The following ABCA12 variants were observed in gnomAD, a reference collection of about 807,000 sequenced individuals.
The protein encoded by ABCA12 is ATP binding cassette subfamily A member 12.
In ABCA12, 156 loss-of-function variants were observed where a neutral mutation model predicts 293.5. The observed-to-expected ratio is 0.53, with a 90% confidence interval of 0.47 to 0.61. The LOEUF is 0.61. Among genes scored for constraint, ABCA12 ranks in the 20% least tolerant of loss-of-function variants. ABCA12 has a pLI of 0.00. For missense variants in ABCA12, 2,797 were observed against 3,090.2 expected, an observed-to-expected ratio of 0.91 and a Z score of 2.25; for synonymous variants, 1,063 against 1,108.0, an observed-to-expected ratio of 0.96 and a Z score of 0.81.
intron 2 of ABCA12, among the ~76,000 whole-genome samples, chr2:215,085,190 C>T (rs1328879203): frequency 6.6e-6 from 1 of 151,894 alleles, no homozygotes; most frequent in Non-Finnish European, 1.5e-5. Flanking sequence ...GTGTAAGAAG[C>T]TTTTGCTATA....
In ABCA12 at chr2:214,956,726, T is replaced by G; in HGVS notation, c.6170A>C (p.Lys2057Thr). The G allele has an allele frequency of 6.2e-7, 1 of 1,613,722 alleles. No homozygotes were observed. Among genetic ancestry groups the G allele is most frequent in the Middle Eastern group, 1.7e-4 (1 of 6,058 alleles). The change falls in exon 42 of 53, where the codon AAA becomes ACA. Residue 2057 changes from lysine (K) to threonine (T), a missense_variant. Physicochemically the swap from Lys to Thr is moderately conservative, Grantham distance 78. This residue lies in a region of ABCA12 where 2,130 missense variants were observed against 2,427.0 expected (regional missense o/e 0.88). Transcript: ENST00000272895. ...AFSIGIIAIFKLPAFYSENNL... is the reference protein window; with the variant it reads ...AFSIGIIAIFTLPAFYSENNL... Reference sequence around the variant, plus strand: ...GTTTTCACTGTAGAATGCAGGTAATTTGAAAATCGCAATGATACCAATTGA... The same window carrying G: ...GTTTTCACTGTAGAATGCAGGTAATGTGAAAATCGCAATGATACCAATTGA...
rs146214687 is a variant in ABCA12, at chr2:215,121,471, C to T, written c.70-9781G>A. 1.8e-4 allele frequency among the ~76,000 whole-genome samples: 27 copies of T among 152,180 alleles called. No homozygotes were observed. The East Asian group carries it at 2.5e-3, about 14-fold the overall frequency. ...GCATTGTCCTATAAGACAAGAATGA[C>T]GGTTATTTGATGGTAACAAGAGGAT... On this transcript the variant is annotated intron_variant, in intron 1 of 52. Transcript: ENST00000272895.
intron 1 of ABCA12, among the ~76,000 whole-genome samples, chr2:215,133,115 T>C (rs1219937837): frequency 1.3e-5 from 2 of 150,500 alleles, no homozygotes; most frequent in Non-Finnish European, 3.0e-5. Flanking sequence ...TTGTCCTTTG[T>C]AGGTGCTTTG....
intron 40 of ABCA12, 115 bp from the exon 41 acceptor site, chr2:214,958,569 C>A: frequency 2.8e-6 from 3 of 1,073,858 alleles, no homozygotes; most frequent in East Asian, 2.6e-5. Context: ...GGCTGTGACA[C>A]AAATAAGGCA....
intron 8 of ABCA12, 62 bp from the exon 9 acceptor site, chr2:215,031,958 C>G: frequency 1.2e-6 from 2 of 1,607,204 alleles, no homozygotes; most frequent in Non-Finnish European, 1.7e-6. Context: ...TTTTTTTCCT[C>G]AGTGAAAACC....
chr2:215,045,731 G>A, intron 7 of ABCA12, 106 bp downstream of exon 7: 2 of 1,011,244 alleles, frequency 2.0e-6, no homozygotes, highest in Non-Finnish European at 2.9e-6. Context: ...AGGATTATTT[G>A]CTCTGTGTTT....
intron 13 of ABCA12, 109 bp from the exon 14 acceptor site, chr2:215,018,241 CAG>C (rs1700549750): frequency 7.1e-7 from 1 of 1,398,638 alleles, no homozygotes; most frequent in South Asian, 1.3e-5. Flanking sequence ...CGTGCCTTCT[CAG>C]GGGCAGATGT....
intron 2 of ABCA12, among the ~76,000 whole-genome samples, chr2:215,092,885 G>A (rs552282228): frequency 4.6e-5 from 7 of 151,992 alleles, no homozygotes; most frequent in Non-Finnish European, 7.4e-5. Flanking sequence ...GCCTCTCTTC[G>A]CTTTCACTTG....
intron 32 of ABCA12, 134 bp downstream of exon 32, chr2:214,978,670 T>C (rs1439117647): frequency 2.7e-6 from 3 of 1,114,052 alleles, no homozygotes; most frequent in Non-Finnish European, 3.9e-6. Flanking sequence ...ATAAGAATAG[T>C]ACTGAAAAAA....
chr2:215,083,646 A>G (rs898903824), intron 2 of ABCA12, among the ~76,000 whole-genome samples: 1 of 152,332 alleles, frequency 6.6e-6, no homozygotes, highest in Non-Finnish European at 1.5e-5. Context: ...CTAACTATTA[A>G]TAGAATTTCT....
chr2:215,064,609 C>T (rs188038104), intron 2 of ABCA12, among the ~76,000 whole-genome samples: 1 of 151,470 alleles, frequency 6.6e-6, no homozygotes. Context: ...TCAATTAATA[C>T]AAAAAGTGTT....
In ABCA12 at chr2:214,980,583, A is replaced by G. The variant is rs540572488; in HGVS notation, c.4640T>C (p.Ile1547Thr). Residue 1547 changes from isoleucine to threonine, a missense_variant, in exon 31 of 53, where the codon ATC becomes ACC. Physicochemically the swap from Ile to Thr is moderately conservative, Grantham distance 89 (BLOSUM62 -1). Coordinates refer to ENST00000272895, the MANE Select transcript of ABCA12 (RefSeq NM_173076.3). ...LDEAEVLSDR[I>T]AFLEQGGLRC... ...AAGCCCACCCTGCTCCAGGAAGGCGATGCGGTCACTCAGCACTTCAGCCTC... is the reference window on the plus strand; with the variant it reads ...AAGCCCACCCTGCTCCAGGAAGGCGGTGCGGTCACTCAGCACTTCAGCCTC... The G allele has an allele frequency of 3.5e-5, 57 of 1,613,992 alleles. No individual in the cohort carries two copies. Among genetic ancestry groups the G allele is most frequent in the Non-Finnish European group, 4.8e-5 (57 of 1,180,010 alleles).
At chr2:214,981,423 A>T (rs990176090) in intron 30 of ABCA12, among the ~76,000 whole-genome samples, 1 of 152,144 alleles carries the variant, frequency 6.6e-6, no homozygotes, top group Non-Finnish European at 1.5e-5. Context: ...GCACTTACTT[A>T]GTCTGTTTTC....
At chr2:215,071,651 C>T (rs1701740664) in intron 2 of ABCA12, among the ~76,000 whole-genome samples, 1 of 152,158 alleles carries the variant, frequency 6.6e-6, no homozygotes, top group African/African-American at 2.4e-5. Context: ...ATGGATTTTG[C>T]CATCTCACAG....
intron 1 of ABCA12, among the ~76,000 whole-genome samples, chr2:215,121,287 CTA>C (rs1417412481): frequency 6.6e-6 from 1 of 152,172 alleles, no homozygotes; most frequent in Non-Finnish European, 1.5e-5. Flanking sequence ...GATTTGAATA[CTA>C]TACTTTTATT....
intron 3 of ABCA12, among the ~76,000 whole-genome samples, chr2:215,056,065 A>G (rs1449615612): frequency 2.0e-5 from 3 of 152,110 alleles, no homozygotes; most frequent in Non-Finnish European, 4.4e-5. Flanking sequence ...AACTGCCTTC[A>G]TAAAAATTTA....
intron 1 of ABCA12, among the ~76,000 whole-genome samples, chr2:215,112,651 C>T (rs1702601791): frequency 6.6e-6 from 1 of 151,886 alleles, no homozygotes; most frequent in South Asian, 2.1e-4. Context: ...GCACCCGCCA[C>T]CACGCCTGGC....
chr2:215,026,779 G>T, intron 10 of ABCA12, 41 bp downstream of exon 10: 1 of 1,495,170 alleles, frequency 6.7e-7, no homozygotes, highest in Non-Finnish European at 9.3e-7. Context: ...AACAGAGGTA[G>T]AAACCATGAG....
At chr2:215,130,232 T>C (rs572396377) in intron 1 of ABCA12, among the ~76,000 whole-genome samples, 284 of 141,818 alleles carry the variant, frequency 2.0e-3, no homozygotes, top group African/African-American at 8.8e-3. Flanking sequence ...ATGTAAACTT[T>C]AGGATTTTTT....
Sources: gnomAD v4.1 joint callset for allele counts (sites outside exome capture counted in the v4.1 genomes callset) on GRCh38, gnomAD v4.1.1 for gene constraint, gnomAD v4.1.1 regional missense constraint, MANE v1.5 for transcripts, NCBI Gene and HGNC (gene_info 2026-07-23, HGNC 2026-07-21) for gene names.